NUDT3: variants seen among roughly 807,000 people sequenced by gnomAD.
NUDT3 encodes nudix hydrolase 3, also known as diphosphoinositol polyphosphate phosphohydrolase 1.
Under a neutral mutation model 23.6 loss-of-function variants are expected in NUDT3, and 9 were observed. That is an observed-to-expected ratio of 0.38 (90% CI 0.23 to 0.66). The LOEUF (loss-of-function observed/expected upper bound fraction) is 0.66, where lower values mean the gene tolerates loss of function less well. Ranked by LOEUF, NUDT3 falls within the 30% of genes least tolerant of loss-of-function variation. The probability of loss-of-function intolerance (pLI) is 0.52; values close to 1 mark genes in which losing one functional copy is unlikely to be tolerated. For synonymous variants in NUDT3, 86 were observed against 82.6 expected, an observed-to-expected ratio of 1.04 and a Z score of -0.22; for missense variants, 172 against 218.5, an observed-to-expected ratio of 0.79 and a Z score of 1.34.
In NUDT3 at chr6:34,287,251, T is replaced by A. The variant is rs1247219622; in HGVS notation, c.*1502A>T. 1 of 152,110 alleles carries A rather than the reference T, an allele frequency of 6.6e-6. No homozygotes were observed. Among genetic ancestry groups the A allele is most frequent in the Non-Finnish European group, 1.5e-5 (1 of 68,040 alleles). The allele number at this position is 152,110 out of a possible 1,614,324, so 9.4% of individuals were successfully genotyped here. A position where few individuals can be genotyped will look rare whatever the true frequency, so the allele number is the denominator to read the frequency against. ...TAAATGAGGCGAACTATGATTTTAA[T>A]TTCACATCTTGGCTAAGGAGATGCC... On this transcript the variant is annotated 3_prime_UTR_variant, in exon 5 of 5. Transcript: ENST00000607016.
intron 2 of NUDT3, among the ~76,000 whole-genome samples, chr6:34,335,761 T>G (rs1267634295): frequency 1.3e-5 from 2 of 151,632 alleles, no homozygotes; most frequent in African/African-American, 2.4e-5. Context: ...TGTTTTTTTT[T>G]TTTGTTTTTT....
At chr6:34,358,084 T>C (rs973491620) in intron 1 of NUDT3, among the ~76,000 whole-genome samples, 1 of 152,194 alleles carries the variant, frequency 6.6e-6, no homozygotes, top group Non-Finnish European at 1.5e-5. Flanking sequence ...ATTGATTCAT[T>C]TGCCAATTCA....
chr6:34,324,355 CA>C (rs771271813), intron 2 of NUDT3, among the ~76,000 whole-genome samples: 3,238 of 114,416 alleles, frequency 0.028, 81 homozygotes, highest in African/African-American at 0.083. Flanking sequence ...ACTACGCTTC[CA>C]AAAAAAAAAA....
At chr6:34,300,139 G>C (rs376621469) in intron 2 of NUDT3, among the ~76,000 whole-genome samples, 1 of 152,064 alleles carries the variant, frequency 6.6e-6, no homozygotes, top group Non-Finnish European at 1.5e-5. Flanking sequence ...GGCTGGATCC[G>C]ATCTTGCTCT....
chr6:34,306,979 A>G (rs1763690592), intron 2 of NUDT3, among the ~76,000 whole-genome samples: 1 of 152,212 alleles, frequency 6.6e-6, no homozygotes, highest in Admixed American at 6.5e-5. Context: ...CACAGAAATG[A>G]GTGTATTTAC....
At chr6:34,364,995 T>G (rs1764705403) in intron 1 of NUDT3, among the ~76,000 whole-genome samples, 1 of 152,102 alleles carries the variant, frequency 6.6e-6, no homozygotes, top group Non-Finnish European at 1.5e-5. Flanking sequence ...CACTTCAGCC[T>G]GGGTGACAGA....
Position 34,288,642 on chromosome 6 carries a change from G to A in NUDT3, c.*111C>T. On this transcript the variant is annotated 3_prime_UTR_variant, in exon 5 of 5. Transcript: ENST00000607016. ...ACACCCTTTCTTTGCTGCCCACCAT[G>A]CCTTATTTGAAAGAGGAGGCCTGTG... is the stretch of plus-strand genomic sequence containing the variant. 7.2e-7 allele frequency: 1 copy of A among 1,388,366 alleles called. No homozygotes were observed. Among genetic ancestry groups the A allele is most frequent in the Non-Finnish European group, 9.7e-7 (1 of 1,030,172 alleles). The allele number at this position is 1,388,366 out of a possible 1,614,324, so 86.0% of individuals were successfully genotyped here. A position where few individuals can be genotyped will look rare whatever the true frequency, so the allele number is the denominator to read the frequency against.
intron 1 of NUDT3, 56 bp downstream of exon 1, chr6:34,392,208 C>T (rs1164220244): frequency 7.0e-7 from 1 of 1,435,044 alleles, no homozygotes; most frequent in Non-Finnish European, 9.4e-7. Flanking sequence ...CCTCGCGCCT[C>T]CACCCGAAGG....
chr6:34,348,070 G>A (rs763306312), intron 1 of NUDT3, among the ~76,000 whole-genome samples: 74 of 151,982 alleles, frequency 4.9e-4, no homozygotes, highest in Admixed American at 1.0e-3. Flanking sequence ...AGGCTGAGGC[G>A]GGCAGATCAC....
intron 4 of NUDT3, among the ~76,000 whole-genome samples, chr6:34,290,080 AAC>A (rs961578827): frequency 2.0e-5 from 3 of 152,108 alleles, no homozygotes; most frequent in Non-Finnish European, 4.4e-5. Flanking sequence ...TCATCTATAA[AAC>A]AGACAATAAA....
chr6:34,383,766 A>C (rs1009310526), intron 1 of NUDT3, among the ~76,000 whole-genome samples: 2 of 152,188 alleles, frequency 1.3e-5, no homozygotes, highest in Admixed American at 1.3e-4. Flanking sequence ...AAGAATGGAG[A>C]CTGCAGTATG....
At chr6:34,369,151 T>C (rs547384507) in intron 1 of NUDT3, among the ~76,000 whole-genome samples, 2 of 152,338 alleles carry the variant, frequency 1.3e-5, no homozygotes, top group South Asian at 4.1e-4. Flanking sequence ...ATAAATACAA[T>C]TCTGCAAATT....
rs1035645352 is a variant in NUDT3 at position 34,309,409 on chromosome 6, T to C, written c.211-13724A>G. Among the ~76,000 whole-genome samples, 6 of 149,750 alleles carry C rather than the reference T, an allele frequency of 4.0e-5. No homozygotes were observed. In the East Asian group the frequency reaches 7.7e-4, roughly 19 times the overall value. ...GTGAGAGTGGTGCTTAGAGGAAAAC[T>C]TTAGGCTAAATGCATATATTAGAAA... On this transcript the variant is annotated intron_variant, in intron 2 of 4. Transcript: ENST00000607016.
intron 2 of NUDT3, among the ~76,000 whole-genome samples, chr6:34,305,640 C>T (rs531870809): frequency 4.0e-4 from 61 of 152,220 alleles, no homozygotes; most frequent in African/African-American, 1.3e-3. Flanking sequence ...ATTTACTTAA[C>T]GTCCATTTAA....
intron 1 of NUDT3, among the ~76,000 whole-genome samples, chr6:34,361,306 G>A (rs537605692): frequency 2.0e-5 from 3 of 152,276 alleles, no homozygotes; most frequent in East Asian, 3.9e-4. Flanking sequence ...AGGGAAATGC[G>A]AATGAAACAA....
At chr6:34,317,047 C>T (rs1474575437) in intron 2 of NUDT3, among the ~76,000 whole-genome samples, 1 of 151,880 alleles carries the variant, frequency 6.6e-6, no homozygotes, top group Middle Eastern at 3.2e-3. Context: ...GAAGGTAGAG[C>T]CAACAGGATT....
At chr6:34,372,021 G>A (rs1395849679) in intron 1 of NUDT3, among the ~76,000 whole-genome samples, 1 of 152,122 alleles carries the variant, frequency 6.6e-6, no homozygotes, top group Non-Finnish European at 1.5e-5. Flanking sequence ...GCGATCGTTT[G>A]CTCAGAATGA....
chr6:34,297,756 T>TTTTTTA (rs1763533993), intron 2 of NUDT3, among the ~76,000 whole-genome samples: 1 of 79,726 alleles, frequency 1.3e-5, no homozygotes, highest in African/African-American at 5.9e-5. Flanking sequence ...TATATATATA[T>TTTTTTA]ATAATTTTTT....
At chr6:34,365,922 T>TC (rs1278329475) in intron 1 of NUDT3, among the ~76,000 whole-genome samples, 1 of 152,036 alleles carries the variant, frequency 6.6e-6, no homozygotes, top group East Asian at 1.9e-4. Context: ...AAGCCTGTAA[T>TC]CCCAGCTACT....
Sources: gnomAD v4.1 joint callset for allele counts (sites outside exome capture counted in the v4.1 genomes callset) on GRCh38, gnomAD v4.1.1 for gene constraint, MANE v1.5 for transcripts, NCBI Gene and HGNC (gene_info 2026-07-23, HGNC 2026-07-21) for gene names.